SLC4A5: variants seen among roughly 807,000 people sequenced by gnomAD.
SLC4A5 encodes the protein solute carrier family 4 member 5.
Under a neutral mutation model 120.4 loss-of-function variants are expected in SLC4A5, and 96 were observed. The ratio of observed to expected loss-of-function variants is 0.80; its 90% CI spans 0.68 to 0.94. The LOEUF is 0.94. SLC4A5 is among the 40% of genes least tolerant of loss of function. The probability of loss-of-function intolerance (pLI) is 0.00; values close to 1 mark genes in which losing one functional copy is unlikely to be tolerated. For synonymous variants in SLC4A5, 550 were observed against 571.1 expected, an observed-to-expected ratio of 0.96 and a Z score of 0.53; for missense variants, 1,259 against 1,459.5, an observed-to-expected ratio of 0.86 and a Z score of 2.24.
intron 27 of SLC4A5, among the ~76,000 whole-genome samples, chr2:74,226,129 C>T (rs1694834254): frequency 6.6e-6 from 1 of 152,184 alleles, no homozygotes; most frequent in Non-Finnish European, 1.5e-5. Context: ...ATACCAAAGT[C>T]TGGGTTTCCC....
At chr2:74,267,839 A>G (rs1470359816) in intron 8 of SLC4A5, among the ~76,000 whole-genome samples, 1 of 152,116 alleles carries the variant, frequency 6.6e-6, no homozygotes, top group Non-Finnish European at 1.5e-5. Context: ...CTACCAAAAA[A>G]CCCAAAAAAT....
chr2:74,240,751 C>T (rs1390561488), intron 20 of SLC4A5, among the ~76,000 whole-genome samples: 1 of 144,704 alleles, frequency 6.9e-6, no homozygotes, highest in African/African-American at 2.6e-5. Flanking sequence ...GCCTGGGTAA[C>T]AGAGCAAGAC....
rs964536794 is a variant in SLC4A5 at position 74,255,112 on chromosome 2, C to T, written c.1026-406G>A. ...CTGGGATTAGAGGAATGAGCCACTG[C>T]GCTGGGCCCATTCTTAACTTTTTTA... On this transcript the variant is annotated intron_variant, in intron 13 of 30. Transcript: ENST00000394019. This position sits in a 1 kb window ranked among gnomAD's most constrained non-coding sequence, Gnocchi z 4.0. Among the ~76,000 whole-genome samples, 28 of 152,168 alleles carry T rather than the reference C, an allele frequency of 1.8e-4. No individual in the cohort carries two copies. Among genetic ancestry groups the T allele is most frequent in the African/African-American group, 6.5e-4 (27 of 41,524 alleles).
At chr2:74,276,731 T>C (rs898699117) in intron 8 of SLC4A5, among the ~76,000 whole-genome samples, 1 of 111,934 alleles carries the variant, frequency 8.9e-6, no homozygotes, top group Non-Finnish European at 1.7e-5. Flanking sequence ...TCCATGGGGA[T>C]GTGCTCTCTA....
intron 2 of SLC4A5, chr2:74,339,513 C>T (rs957707626): frequency 1.3e-5 from 2 of 151,986 alleles, no homozygotes; most frequent in Non-Finnish European, 2.9e-5. Flanking sequence ...TAGAGGGTGC[C>T]TATGGGTACA....
At chr2:74,324,194 C>T (rs1673159490) in intron 5 of SLC4A5, among the ~76,000 whole-genome samples, 1 of 152,174 alleles carries the variant, frequency 6.6e-6, no homozygotes, top group Non-Finnish European at 1.5e-5. Flanking sequence ...CAGAATTACA[C>T]AACAAAGAAC....
intron 1 of SLC4A5, among the ~76,000 whole-genome samples, chr2:74,342,996 T>G (rs1673659085): frequency 6.6e-6 from 1 of 152,104 alleles, no homozygotes; most frequent in South Asian, 2.1e-4. Context: ...TCTCAGCCCC[T>G]GACTTTAGAA....
At chr2:74,284,447 T>C (rs1196356436) in intron 8 of SLC4A5, among the ~76,000 whole-genome samples, 1 of 73,288 alleles carries the variant, frequency 1.4e-5, no homozygotes, top group Non-Finnish European at 2.2e-5. Flanking sequence ...CCCAAAGTGC[T>C]GGGATTACAG....
chr2:74,224,978 G>C, exon 28 of SLC4A5: 1 of 1,614,026 alleles, frequency 6.2e-7, no homozygotes, highest in Non-Finnish European at 8.5e-7. Context: ...GCCTTCGAAC[G>C]ATGATGAGGC....
chr2:74,224,883 T>C (rs1461989846), exon 28 of SLC4A5: 1 of 1,614,056 alleles, frequency 6.2e-7, no homozygotes, highest in Admixed American at 1.7e-5. Context: ...TCTCTTCCTC[T>C]TCTTGTCTGT....
chr2:74,322,027 C>T (rs2104317958), intron 5 of SLC4A5, among the ~76,000 whole-genome samples: 1 of 152,094 alleles, frequency 6.6e-6, no homozygotes, highest in East Asian at 1.9e-4. Context: ...CTTGCACGGA[C>T]CTTGAGACTT....
At chr2:74,293,300 G>A (rs1167189624) in intron 7 of SLC4A5, among the ~76,000 whole-genome samples, 1 of 152,180 alleles carries the variant, frequency 6.6e-6, no homozygotes, top group South Asian at 2.1e-4. Context: ...GACTTGCTGT[G>A]TTCACGGGAA....
At chr2:74,217,041 A>C (rs1265273498) in exon 31 of SLC4A5, 1 of 151,782 alleles carries the variant, frequency 6.6e-6, no homozygotes, top group Non-Finnish European at 1.5e-5. Context: ...AATGTAATCA[A>C]ACACTTATTG....
Position 74,304,474 on chromosome 2 carries a change from C to G in SLC4A5, c.271+15G>C, listed in dbSNP as rs370122993. The G allele has an allele frequency of 5.0e-6, 8 of 1,598,282 alleles. No individual in the cohort carries two copies. The highest frequency in any genetic ancestry group is 6.8e-6 in the Non-Finnish European group (8 of 1,171,734). ...GCAGGATGGCTCCCCAGAATGTACC[C>G]CTCAAGGAACTCACGAGTCCTGCTG... is the stretch of plus-strand genomic sequence containing the variant. On this transcript the variant is annotated intron_variant, in intron 7 of 30. Coordinates refer to ENST00000394019, the Ensembl canonical transcript of SLC4A5.
chr2:74,241,996 G>C (rs759043668), exon 20 of SLC4A5: 1 of 1,604,034 alleles, frequency 6.2e-7, no homozygotes, highest in South Asian at 1.1e-5. Context: ...GGACTTACCA[G>C]AGAAGCGTTG....
At chr2:74,319,220 G>A (rs1673036514) in intron 5 of SLC4A5, among the ~76,000 whole-genome samples, 1 of 152,074 alleles carries the variant, frequency 6.6e-6, no homozygotes, top group Non-Finnish European at 1.5e-5. Context: ...AAGGTAGGAG[G>A]GTAGGAAGGG....
chr2:74,256,003 A>G, intron 12 of SLC4A5, 71 bp from the exon 13 acceptor site: 1 of 1,562,688 alleles, frequency 6.4e-7, no homozygotes, highest in African/African-American at 1.4e-5. Flanking sequence ...TCCCCTTCAG[A>G]CTGCTTTGAG....
chr2:74,265,320 C>G lies in SLC4A5; in HGVS notation c.402-56G>C, dbSNP rs1477319597. On this transcript the variant is annotated intron_variant, in intron 8 of 30. Coordinates refer to ENST00000394019, the Ensembl canonical transcript of SLC4A5. ...CCAGGGCCCTCAGGAGGAGGCCTCA[C>G]CTGGGTCTCCCCAAAAGAGGGGTGT... 2.5e-6 allele frequency: 4 copies of G among 1,578,052 alleles called. No homozygotes were observed. In the East Asian group the frequency reaches 9.0e-5, roughly 35 times the overall value.
chr2:74,324,299 C>T (rs1454880253), intron 5 of SLC4A5, among the ~76,000 whole-genome samples: 4 of 152,156 alleles, frequency 2.6e-5, no homozygotes, highest in Admixed American at 6.5e-5. Flanking sequence ...CTCGCTTTGT[C>T]GCCCAGGCTG....
Sources: allele counts gnomAD v4.1 joint callset (sites outside exome capture counted in the v4.1 genomes callset), GRCh38; gene constraint gnomAD v4.1.1; non-coding constraint Gnocchi (gnomAD v3.1); transcripts MANE v1.5; gene names NCBI Gene and HGNC (gene_info 2026-07-23, HGNC 2026-07-21).